Variants in BTBD9 observed in about 807,000 individuals in gnomAD.
The protein encoded by BTBD9 is BTB/POZ domain-containing protein 9.
BTBD9 carries 49 observed loss-of-function variants against 64.3 expected under a neutral mutation model. The observed-to-expected ratio is 0.76, with a 90% CI of 0.61 to 0.97. BTBD9 has a LOEUF of 0.97. BTBD9 is among the 50% of genes least tolerant of loss of function. The probability of loss-of-function intolerance (pLI) is 0.00; values close to 1 mark genes in which losing one functional copy is unlikely to be tolerated. For synonymous variants in BTBD9, 260 were observed against 274.7 expected (o/e 0.95, Z 0.53); for missense variants, 598 against 762.1 (o/e 0.78, Z 2.53).
chr6:38,338,125 T>G (rs1763966321), intron 7 of BTBD9, among the ~76,000 whole-genome samples: 1 of 152,172 alleles, frequency 6.6e-6, no homozygotes, highest in African/African-American at 2.4e-5. Context: ...CTGCAGGGGA[T>G]ATGTTCCAAG....
At chr6:38,329,845 T>G (rs2127580925) in intron 7 of BTBD9, among the ~76,000 whole-genome samples, 1 of 151,998 alleles carries the variant, frequency 6.6e-6, no homozygotes, top group Admixed American at 6.5e-5. Flanking sequence ...CCCAGTTACT[T>G]GGGAGGCTGA....
intron 6 of BTBD9, among the ~76,000 whole-genome samples, chr6:38,557,197 T>C (rs2127453589): frequency 6.6e-6 from 1 of 151,498 alleles, no homozygotes; most frequent in East Asian, 2.0e-4. Context: ...AATACAATAA[T>C]TAGCTGGCAG....
chr6:38,436,725 T>A (rs574078763), intron 6 of BTBD9, among the ~76,000 whole-genome samples: 1 of 151,892 alleles, frequency 6.6e-6, no homozygotes, highest in South Asian at 2.1e-4. Flanking sequence ...ATTCAAGGGG[T>A]TTTTCATAAA....
intron 9 of BTBD9, among the ~76,000 whole-genome samples, chr6:38,227,305 G>A (rs1461187478): frequency 6.6e-6 from 1 of 152,170 alleles, no homozygotes; most frequent in Non-Finnish European, 1.5e-5. Flanking sequence ...GCTGCCACTT[G>A]GTTTTGTTTT....
Position 38,622,791 on chromosome 6 carries a change from C to G in BTBD9, c.-28+17009G>C, listed in dbSNP as rs991562964. Among the ~76,000 whole-genome samples the G allele has an allele frequency of 5.3e-5, 8 of 152,284 alleles. No individual in the cohort carries two copies. The East Asian group carries it at 1.3e-3, about 26-fold the overall frequency. On this transcript the variant is annotated intron_variant, in intron 1 of 10. Coordinates refer to ENST00000481247, the MANE Select transcript of BTBD9 (RefSeq NM_001099272.2). Reference sequence around the variant, plus strand: ...AGCCCCAACTGATCATAGTAACTTCCCAGTTACCCAAACAGCTCCATTCAG... The same window carrying G: ...AGCCCCAACTGATCATAGTAACTTCGCAGTTACCCAAACAGCTCCATTCAG...
At chr6:38,228,679 C>T (rs570798344) in intron 9 of BTBD9, among the ~76,000 whole-genome samples, 68 of 141,806 alleles carry the variant, frequency 4.8e-4, no homozygotes, top group African/African-American at 1.8e-3. Context: ...ATCGAGACCA[C>T]CCTGGCTAAC....
chr6:38,437,439 C>A (rs1475209867), intron 6 of BTBD9, among the ~76,000 whole-genome samples: 3 of 152,200 alleles, frequency 2.0e-5, no homozygotes, highest in Non-Finnish European at 4.4e-5. Flanking sequence ...TATCTGGATT[C>A]ATGTTCTTTT....
At chr6:38,380,587 T>G (rs564030991) in intron 6 of BTBD9, among the ~76,000 whole-genome samples, 315 of 152,324 alleles carry the variant, frequency 2.1e-3, no homozygotes, top group Non-Finnish European at 3.3e-3. Context: ...CCCAGCATTT[T>G]GGGAGGCTGA....
chr6:38,632,181 A>T (rs141107872), intron 1 of BTBD9, among the ~76,000 whole-genome samples: 1 of 152,364 alleles, frequency 6.6e-6, no homozygotes, highest in African/African-American at 2.4e-5. Context: ...AATTTGTTAC[A>T]CAGCAATAGA....
intron 6 of BTBD9, among the ~76,000 whole-genome samples, chr6:38,407,391 T>C (rs750161430): frequency 7.2e-5 from 11 of 152,102 alleles, no homozygotes; most frequent in Non-Finnish European, 1.5e-4. Flanking sequence ...GGAATCACTT[T>C]TGAGTTCTAG....
At chr6:38,516,286 T>TAA (rs200916905) in intron 6 of BTBD9, among the ~76,000 whole-genome samples, 1 of 146,366 alleles carries the variant, frequency 6.8e-6, no homozygotes, top group Non-Finnish European at 1.5e-5. Context: ...TCCATGAATT[T>TAA]AAAAAAAAAA....
chr6:38,540,338 T>TA (rs1774215264), intron 6 of BTBD9, among the ~76,000 whole-genome samples: 1 of 152,146 alleles, frequency 6.6e-6, no homozygotes, highest in African/African-American at 2.4e-5. Context: ...TAATATGAAA[T>TA]ACTCCATAGG....
chr6:38,353,416 G>A (rs1351019865), intron 6 of BTBD9, among the ~76,000 whole-genome samples: 3 of 151,624 alleles, frequency 2.0e-5, no homozygotes, highest in South Asian at 2.1e-4. Flanking sequence ...GAAGAGAGAC[G>A]GGGGAGAAAA....
At chr6:38,258,695 C>T (rs1764688885) in intron 8 of BTBD9, among the ~76,000 whole-genome samples, 1 of 152,126 alleles carries the variant, frequency 6.6e-6, no homozygotes, top group African/African-American at 2.4e-5. Context: ...TTGAGACCAT[C>T]CTGGCTAACA....
chr6:38,463,554 T>G (rs2127355680), intron 6 of BTBD9, among the ~76,000 whole-genome samples: 1 of 152,362 alleles, frequency 6.6e-6, no homozygotes, highest in African/African-American at 2.4e-5. Flanking sequence ...CTTATGCTTC[T>G]AGTTTGCTGA....
chr6:38,191,901 A>C (rs1762090533), intron 10 of BTBD9, among the ~76,000 whole-genome samples: 1 of 152,250 alleles, frequency 6.6e-6, no homozygotes, highest in South Asian at 2.1e-4. Flanking sequence ...ACAGAGCATT[A>C]AACCTCAAGC....
chr6:38,541,931 A>C (rs1161614536), intron 6 of BTBD9, among the ~76,000 whole-genome samples: 3 of 152,228 alleles, frequency 2.0e-5, no homozygotes, highest in East Asian at 3.9e-4. Context: ...TAAAAAGATA[A>C]AACAGTTTTT....
chr6:38,324,127 TA>T (rs1019049027), intron 7 of BTBD9, among the ~76,000 whole-genome samples: 1 of 152,150 alleles, frequency 6.6e-6, no homozygotes. Flanking sequence ...GAACTTTGTG[TA>T]ACACTTAGTT....
chr6:38,332,821 G>C (rs193183728), intron 7 of BTBD9, among the ~76,000 whole-genome samples: 18 of 152,150 alleles, frequency 1.2e-4, no homozygotes, highest in Admixed American at 9.8e-4. Flanking sequence ...TCTTTCCATT[G>C]TTCAGTGCTC....
Sources: gnomAD v4.1 joint callset for allele counts (sites outside exome capture counted in the v4.1 genomes callset) on GRCh38, gnomAD v4.1.1 for gene constraint, MANE v1.5 for transcripts, NCBI Gene and HGNC (gene_info 2026-07-23, HGNC 2026-07-21) for gene names.